Variants in PRMT7 observed in about 807,000 individuals in gnomAD.
PRMT7 encodes protein arginine methyltransferase 7.
PRMT7 carries 75 observed loss-of-function variants against 85.4 expected under a neutral mutation model. The observed-to-expected ratio is 0.88, with a 90% confidence interval of 0.73 to 1.06. The LOEUF (loss-of-function observed/expected upper bound fraction) is 1.06, where lower values mean the gene tolerates loss of function less well. Among genes scored for constraint, PRMT7 ranks in the 50% least tolerant of loss-of-function variants. The pLI is 0.00. For synonymous variants in PRMT7, 397 were observed against 359.5 expected, an observed-to-expected ratio of 1.10 and a Z score of -1.18; for missense variants, 868 against 915.2, an observed-to-expected ratio of 0.95 and a Z score of 0.67.
intron 9 of PRMT7, among the ~76,000 whole-genome samples, chr16:68,344,947 C>CACACAT (rs1412801653): frequency 2.2e-5 from 3 of 137,576 alleles, no homozygotes; most frequent in East Asian, 2.2e-4. Context: ...CACACACACA[C>CACACAT]ACACACACAC....
intron 16 of PRMT7, 68 bp from the exon 17 acceptor site, chr16:68,355,655 C>A (rs192341135): frequency 1.4e-6 from 2 of 1,401,582 alleles, no homozygotes; most frequent in Non-Finnish European, 1.9e-6. Flanking sequence ...GGAGCCAAGC[C>A]GGGGAGCGGT....
intron 9 of PRMT7, among the ~76,000 whole-genome samples, chr16:68,343,918 A>G (rs970913008): frequency 6.6e-6 from 1 of 152,174 alleles, no homozygotes; most frequent in African/African-American, 2.4e-5. Context: ...TTAGTTCCTG[A>G]AGGTGACAGA....
chr16:68,345,827 AG>A, intron 10 of PRMT7, 25 bp downstream of exon 10: 1 of 1,613,216 alleles, frequency 6.2e-7, no homozygotes, highest in Non-Finnish European at 8.5e-7. Context: ...GTGGGGGTGG[AG>A]GATGAGCCTC....
At chr16:68,332,765 G>T (rs2084083849) in intron 6 of PRMT7, among the ~76,000 whole-genome samples, 1 of 152,132 alleles carries the variant, frequency 6.6e-6, no homozygotes, top group Non-Finnish European at 1.5e-5. Context: ...GCCGTGCTCT[G>T]TGTCACCTCT....
intron 9 of PRMT7, among the ~76,000 whole-genome samples, chr16:68,345,451 C>T (rs1214587129): frequency 6.6e-6 from 1 of 152,212 alleles, no homozygotes; most frequent in Admixed American, 6.5e-5. Context: ...CAGATTGCTG[C>T]TCTTGGCCAC....
intron 6 of PRMT7, among the ~76,000 whole-genome samples, chr16:68,334,077 G>T (rs185416410): frequency 2.6e-5 from 4 of 152,074 alleles, no homozygotes; most frequent in Non-Finnish European, 5.9e-5. Context: ...GGCCAATTTC[G>T]TAATACTTTT....
chr16:68,339,268 C>A, intron 7 of PRMT7, 54 bp from the exon 8 acceptor site: 1 of 1,604,774 alleles, frequency 6.2e-7, no homozygotes, highest in Non-Finnish European at 8.5e-7. Flanking sequence ...ATGGGAATTA[C>A]TGTGGGTCTA....
At chr16:68,345,990 T>A in intron 10 of PRMT7, 155 bp from the exon 11 acceptor site, 1 of 1,343,880 alleles carries the variant, frequency 7.4e-7, no homozygotes, top group South Asian at 1.4e-5. Context: ...CATGGGTTGC[T>A]GGAATCTGTT....
At position 68,357,305 on chromosome 16, in the gene PRMT7, T is replaced by A; in HGVS notation, c.*81T>A. The A allele has an allele frequency of 7.1e-7, 1 of 1,413,744 alleles. No homozygotes were observed. The highest frequency in any genetic ancestry group is 9.6e-7 in the Non-Finnish European group (1 of 1,041,014). 87.6% of individuals were successfully genotyped at this position (1,413,744 alleles called of 1,614,324 possible). Reference sequence around the variant, plus strand: ...TTCTAGCGGGGAAGGCTGAAGGCCCTCCTCTCCTCTCTGGGAGCTGCTCGG... The same window carrying A: ...TTCTAGCGGGGAAGGCTGAAGGCCCACCTCTCCTCTCTGGGAGCTGCTCGG... On this transcript the variant is annotated 3_prime_UTR_variant, in exon 19 of 19. Coordinates refer to ENST00000441236, the MANE Select transcript of PRMT7 (RefSeq NM_019023.5).
chr16:68,316,780 G>A (rs1433416176), intron 3 of PRMT7: 2 of 152,338 alleles, frequency 1.3e-5, no homozygotes, highest in African/African-American at 2.4e-5. Context: ...AAAAAAGTAT[G>A]TGAGTTGTTA....
chr16:68,322,381 A>G (rs2082598256), intron 4 of PRMT7: 1 of 450,986 alleles, frequency 2.2e-6, no homozygotes, highest in Non-Finnish European at 4.4e-6. Context: ...TATGTTTTGT[A>G]GAGGCAGAGT....
chr16:68,329,457 C>CT (rs1474592548), intron 6 of PRMT7: 1 of 244,168 alleles, frequency 4.1e-6, no homozygotes, highest in Non-Finnish European at 8.1e-6. Flanking sequence ...GGGCTCAACT[C>CT]TTGAGTTTCA....
chr16:68,321,805 C>T (rs1318889553), intron 4 of PRMT7: 1 of 212,162 alleles, frequency 4.7e-6, no homozygotes, highest in African/African-American at 2.3e-5. Flanking sequence ...TTAAGATCTA[C>T]TCGCTTAGTA....
chr16:68,325,374 G>C (rs1234159698), intron 5 of PRMT7, among the ~76,000 whole-genome samples: 3 of 152,132 alleles, frequency 2.0e-5, no homozygotes, highest in African/African-American at 7.2e-5. Context: ...GTTATTGTGG[G>C]ACTTTGTTGT....
intron 6 of PRMT7, among the ~76,000 whole-genome samples, chr16:68,335,543 C>T (rs1036873926): frequency 3.3e-5 from 5 of 150,954 alleles, no homozygotes; most frequent in South Asian, 2.1e-4. Flanking sequence ...AGCTCCTCCA[C>T]GTGATACTGT....
At position 68,316,544 on chromosome 16, in the gene PRMT7, T is replaced by G. The variant is rs944381747; in HGVS notation, c.95+470T>G. Reference sequence around the variant, plus strand: ...ACTTTGGGAGGCCGAGGTGGCCAGATCACCTGAGGTCAGGAGTTCGAGACC... The same window carrying G: ...ACTTTGGGAGGCCGAGGTGGCCAGAGCACCTGAGGTCAGGAGTTCGAGACC... On this transcript the variant is annotated intron_variant, in intron 3 of 18. Coordinates refer to ENST00000441236, the MANE Select transcript of PRMT7 (RefSeq NM_019023.5). Among the ~76,000 whole-genome samples, 9 of 152,096 alleles carry G rather than the reference T, an allele frequency of 5.9e-5. No individual in the cohort carries two copies. The East Asian group carries it at 7.7e-4, about 13-fold the overall frequency.
chr16:68,323,620 A>C (rs2082759698), intron 4 of PRMT7: 1 of 152,006 alleles, frequency 6.6e-6, no homozygotes, highest in Non-Finnish European at 1.5e-5. Flanking sequence ...ATGTATGAAA[A>C]ATTTTTTTTC....
At position 68,339,459 on chromosome 16, in the gene PRMT7, T is replaced by A. The variant is rs1035342033; in HGVS notation, c.642T>A (p.Val214=). 3 of 1,614,228 alleles carry A rather than the reference T, an allele frequency of 1.9e-6. No homozygotes were observed. Among genetic ancestry groups the A allele is most frequent in the Non-Finnish European group, 2.5e-6 (3 of 1,180,040 alleles). The change falls in exon 8 of 19, where the codon GTT becomes GTA. Residue 214 remains valine, a synonymous_variant. Coordinates refer to ENST00000441236, the MANE Select transcript of PRMT7 (RefSeq NM_019023.5). ...GAGAGCAGGTCATCGTCCCTCCCGT[T>A]GACGTGGAGAGCTGCCCTGGCGCAC... The part of the protein sequence containing the change: ...SLGEQVIVPP[V]DVESCPGAPS...
intron 6 of PRMT7, among the ~76,000 whole-genome samples, chr16:68,335,323 C>G (rs979944768): frequency 1.3e-5 from 2 of 151,824 alleles, no homozygotes; most frequent in Non-Finnish European, 2.9e-5. Flanking sequence ...TGTCCTGGAA[C>G]TAGTAAATGA....
Sources: allele counts gnomAD v4.1 joint callset (sites outside exome capture counted in the v4.1 genomes callset), GRCh38; gene constraint gnomAD v4.1.1; transcripts MANE v1.5; gene names NCBI Gene and HGNC (gene_info 2026-07-23, HGNC 2026-07-21).